AIM2: variants seen among roughly 807,000 people sequenced by gnomAD.
The protein encoded by AIM2 is interferon-inducible protein AIM2.
A neutral mutation model predicts 27.7 loss-of-function variants in AIM2; 30 were observed. The ratio of observed to expected loss-of-function variants is 1.08; its 90% CI spans 0.81 to 1.47. The LOEUF (loss-of-function observed/expected upper bound fraction) is 1.47. Ranked by LOEUF, AIM2 falls within the 40% of genes most tolerant of loss-of-function variation. The pLI is 0.00. For missense variants in AIM2, 358 were observed against 411.3 expected, an observed-to-expected ratio of 0.87 and a Z score of 1.12; for synonymous variants, 141 against 145.3, an observed-to-expected ratio of 0.97 and a Z score of 0.21.
chr1:159,119,605 T>C (rs1189750617), intron 1 of AIM2, among the ~76,000 whole-genome samples: 1 of 152,194 alleles, frequency 6.6e-6, no homozygotes, highest in Non-Finnish European at 1.5e-5. Flanking sequence ...GTCTGAAACC[T>C]AGAATCAGCC....
chr1:159,115,090 C>T (rs1340146503), intron 1 of AIM2, among the ~76,000 whole-genome samples: 1 of 152,088 alleles, frequency 6.6e-6, no homozygotes, highest in African/African-American at 2.4e-5. Flanking sequence ...ACAATTGCTT[C>T]AAAGAGAATA....
rs1416738040 is a variant in AIM2, at chr1:159,115,071, C to T, written c.-16+25360G>A. Among the ~76,000 whole-genome samples, 10 of 152,200 alleles carry T rather than the reference C, an allele frequency of 6.6e-5. No individual in the cohort carries two copies. In the South Asian group the frequency reaches 8.3e-4, roughly 13 times the overall value. The stretch of plus-strand genomic sequence containing the variant: ...AACAGAGAGCCAAACCATGAGTGAA[C>T]TCCCATTCACAATTGCTTCAAAGAG... On this transcript the variant is annotated intron_variant, in intron 1 of 2. Coordinates refer to the AIM2 transcript ENST00000368129.
intron 1 of AIM2, among the ~76,000 whole-genome samples, chr1:159,126,778 C>T (rs1365443740): frequency 6.6e-6 from 1 of 152,024 alleles, no homozygotes; most frequent in Non-Finnish European, 1.5e-5. Flanking sequence ...AAATTGCTTG[C>T]TCTAGGAGAT....
At chr1:159,138,990 C>A (rs1648063398) in intron 1 of AIM2, among the ~76,000 whole-genome samples, 1 of 152,124 alleles carries the variant, frequency 6.6e-6, no homozygotes, top group African/African-American at 2.4e-5. Context: ...TAGGAGATAT[C>A]CCTTATGTAT....
chr1:159,114,715 C>G (rs1383691904), intron 1 of AIM2, among the ~76,000 whole-genome samples: 1 of 152,184 alleles, frequency 6.6e-6, no homozygotes, highest in Admixed American at 6.5e-5. Context: ...GTCAAACCCA[C>G]AGCCAATATC....
At position 159,063,473 on chromosome 1, in the gene AIM2, A is replaced by G. The variant is rs1011616319; in HGVS notation, c.1005+13T>C. 13 of 1,604,514 alleles carry G rather than the reference A, an allele frequency of 8.1e-6. No individual in the cohort carries two copies. The highest frequency in any genetic ancestry group is 1.1e-5 in the Non-Finnish European group (13 of 1,176,602). ...CCCCTTGGAGAGTTGACTTTGTTCC[A>G]TGCAGTTCCCACCTTTATGGTGCTA... On this transcript the variant is annotated intron_variant, in intron 5 of 5. Coordinates refer to ENST00000368130, the MANE Select transcript of AIM2 (RefSeq NM_004833.3).
intron 1 of AIM2, among the ~76,000 whole-genome samples, chr1:159,126,647 T>TGA (rs1647701136): frequency 4.3e-5 from 1 of 23,068 alleles, no homozygotes; most frequent in South Asian, 8.9e-4. Flanking sequence ...AGACTACGTC[T>TGA]CAAAAAAAAA....
intron 1 of AIM2, among the ~76,000 whole-genome samples, chr1:159,104,747 C>T (rs1028385603): frequency 3.3e-5 from 5 of 152,164 alleles, no homozygotes; most frequent in African/African-American, 9.7e-5. Context: ...TACACATGTG[C>T]TTGCATTATA....
upstream of AIM2, among the ~76,000 whole-genome samples, chr1:159,078,173 T>C (rs1656680119): frequency 6.6e-6 from 1 of 152,214 alleles, no homozygotes; most frequent in African/African-American, 2.4e-5. Flanking sequence ...CCCCACATTA[T>C]CTTTTCCCAC....
chr1:159,121,281 T>A (rs1647527655), intron 1 of AIM2, among the ~76,000 whole-genome samples: 2 of 152,204 alleles, frequency 1.3e-5, no homozygotes, highest in African/African-American at 2.4e-5. Context: ...AATCCCTAAG[T>A]AACTGTAGAG....
chr1:159,117,126 G>A (rs955493803), intron 1 of AIM2, among the ~76,000 whole-genome samples: 1 of 152,160 alleles, frequency 6.6e-6, no homozygotes, highest in Non-Finnish European at 1.5e-5. Context: ...TAGCTGTCAA[G>A]GGAAGAACAG....
intron 1 of AIM2, among the ~76,000 whole-genome samples, chr1:159,083,528 T>G (rs535906305): frequency 1.3e-5 from 2 of 152,292 alleles, no homozygotes; most frequent in African/African-American, 4.8e-5. Context: ...GAAAATAAAT[T>G]TAAAACATAA....
At chr1:159,128,733 A>G (rs545760908) in intron 1 of AIM2, among the ~76,000 whole-genome samples, 4 of 152,300 alleles carry the variant, frequency 2.6e-5, no homozygotes, top group East Asian at 3.9e-4. Context: ...TCACACAACT[A>G]TAAATTCATG....
At chr1:159,124,201 T>A (rs566610331) in intron 1 of AIM2, among the ~76,000 whole-genome samples, 78 of 152,134 alleles carry the variant, frequency 5.1e-4, no homozygotes, top group East Asian at 1.4e-3. Context: ...TCTCTTTTTT[T>A]AAAAAAAATG....
At chr1:159,118,485 T>C (rs951384001) in intron 1 of AIM2, among the ~76,000 whole-genome samples, 1 of 152,148 alleles carries the variant, frequency 6.6e-6, no homozygotes, top group Non-Finnish European at 1.5e-5. Context: ...ATGCATTACC[T>C]CAGGAGGCAC....
At chr1:159,119,765 A>T (rs12063682) in intron 1 of AIM2, among the ~76,000 whole-genome samples, 8,930 of 151,314 alleles carry the variant, frequency 0.059, 852 homozygotes, top group African/African-American at 0.2. Flanking sequence ...TTTCGTTCTC[A>T]CCCCCACCCT....
chr1:159,068,550 C>T lies in AIM2; in HGVS notation c.396+18G>A. ...TGCTCTTACAAGGACAAAGACCACT[C>T]CACTCTCCTTATCCTACCTTAACAT... On this transcript the variant is annotated intron_variant, in intron 3 of 5. Transcript: ENST00000368130. 6.3e-7 allele frequency: 1 copy of T among 1,598,730 alleles called. No homozygotes were observed. The highest frequency in any genetic ancestry group is 8.5e-7 in the Non-Finnish European group (1 of 1,173,660).
chr1:159,116,275 C>G (rs1237303402), intron 1 of AIM2, among the ~76,000 whole-genome samples: 1 of 152,052 alleles, frequency 6.6e-6, no homozygotes, highest in Non-Finnish European at 1.5e-5. Context: ...GTCAGTGTGG[C>G]GATTCCTCAG....
At chr1:159,059,126 G>A (rs1193376624), downstream of AIM2, among the ~76,000 whole-genome samples, 9 of 152,266 alleles carry the variant, frequency 5.9e-5, no homozygotes, top group South Asian at 4.1e-4. Context: ...GTGGTCTGCC[G>A]TCAAAGAGTG....
Sources: allele counts gnomAD v4.1 joint callset (sites outside exome capture counted in the v4.1 genomes callset), GRCh38; gene constraint gnomAD v4.1.1; transcripts MANE v1.5; gene names NCBI Gene and HGNC (gene_info 2026-07-23, HGNC 2026-07-21).